AGAP2: variants seen among roughly 807,000 people sequenced by gnomAD.
AGAP2 encodes arf-GAP with GTPase, ANK repeat and PH domain-containing protein 2.
AGAP2 carries 32 observed loss-of-function variants against 110.9 expected under a neutral mutation model. The observed-to-expected ratio is 0.29, with a 90% CI of 0.22 to 0.39. The LOEUF is 0.39. AGAP2 is among the 10% of genes least tolerant of loss of function. The pLI, the probability that AGAP2 is intolerant of heterozygous loss-of-function variation, is 1.00. For synonymous variants in AGAP2, 702 were observed against 713.0 expected, an observed-to-expected ratio of 0.98 and a Z score of 0.25; for missense variants, 1,285 against 1,638.5, an observed-to-expected ratio of 0.78 and a Z score of 3.72.
upstream of AGAP2, among the ~76,000 whole-genome samples, chr12:57,739,185 G>A (rs1955046579): frequency 6.6e-6 from 1 of 151,884 alleles, no homozygotes; most frequent in South Asian, 2.1e-4. Flanking sequence ...GGCATTTAGG[G>A]ATAAGGGTGA....
rs1955035254 is a variant in AGAP2, at chr12:57,738,566, G to C, written c.-320C>G. On this transcript the variant is annotated 5_prime_UTR_variant, in exon 1 of 19. Coordinates refer to ENST00000547588, the MANE Select transcript of AGAP2 (RefSeq NM_001122772.3). The surrounding 1 kb of genome is among the most constrained non-coding windows in gnomAD (Gnocchi z 6.7). Reference sequence around the variant, plus strand: ...GCGCTGAGATGGGTGGGGGAGGGCGGGGAGGACAGTAGTGGGGGCAAATGG... The same window carrying C: ...GCGCTGAGATGGGTGGGGGAGGGCGCGGAGGACAGTAGTGGGGGCAAATGG... Among the ~76,000 whole-genome samples, 1 of 151,900 alleles carries C rather than the reference G, an allele frequency of 6.6e-6. No individual in the cohort carries two copies.
chr12:57,740,592 C>T (rs768359929), upstream of AGAP2, among the ~76,000 whole-genome samples: 25 of 152,182 alleles, frequency 1.6e-4, no homozygotes, highest in Non-Finnish European at 2.8e-4. Context: ...AGCTTTTCTG[C>T]CTGGCCTAAA....
rs12422249 is a variant in AGAP2, at chr12:57,734,184, G to A, written c.1402-11C>T. On this transcript the variant is annotated splice_polypyrimidine_tract_variant and intron_variant, in intron 4 of 18. Coordinates refer to ENST00000547588, the MANE Select transcript of AGAP2 (RefSeq NM_001122772.3). Reference sequence around the variant, plus strand: ...TGCCCAGCCTGAGAACTTGCGGGGAGTGAGGGAGCAAATGGAAAGTCAGAC... The same window carrying A: ...TGCCCAGCCTGAGAACTTGCGGGGAATGAGGGAGCAAATGGAAAGTCAGAC... 192,639 of 1,604,832 alleles carry A rather than the reference G, an allele frequency of 0.12. 13,009 individuals are homozygous for A. The highest frequency in any genetic ancestry group is 0.26 in the Admixed American group (15,593 of 59,410).
rs752265234 is a variant in AGAP2 at position 57,734,030 on chromosome 12, T to C, written c.1545A>G (p.Thr515=). Residue 515 remains threonine, a synonymous_variant, in exon 5 of 19, where the codon ACA becomes ACG. Coordinates refer to ENST00000547588, the MANE Select transcript of AGAP2 (RefSeq NM_001122772.3). ...RGGLALALVG[T]QDRISASSPR... The stretch of plus-strand genomic sequence containing the variant: ...GCTTTCCTAACCCCTCCTTACCTTG[T>C]GTCCCCACCAGTGCCAAGGCCAGGC... The C allele has an allele frequency of 1.3e-6, 2 of 1,584,414 alleles. No individual in the cohort carries two copies. Among genetic ancestry groups the C allele is most frequent in the Middle Eastern group, 1.7e-4 (1 of 5,822 alleles).
rs528656185 is a variant in AGAP2 at position 57,737,470 on chromosome 12, C to T, written c.777G>A (p.Gly259=). 1.2e-6 allele frequency: 2 copies of T among 1,610,602 alleles called. No individual in the cohort carries two copies. Among genetic ancestry groups the T allele is most frequent in the Non-Finnish European group, 1.7e-6 (2 of 1,178,570 alleles). The change falls in exon 1 of 19, where the codon GGG becomes GGA. Residue 259 remains glycine (G), a synonymous_variant. Transcript: ENST00000547588. The surrounding 1 kb of genome is among the most constrained non-coding windows in gnomAD (Gnocchi z 5.9). ...GGGACAACTTCCCTCGGGCTCCAGC[C>T]CCAGCCCCGACCCCACCAGAGGTCG... is the stretch of plus-strand genomic sequence containing the variant. The part of the protein sequence containing the change: ...TASTSGGVGA[G]AGARGKLSPR...
In AGAP2 at chr12:57,738,067, C is replaced by G. The variant is rs867148442; in HGVS notation, c.180G>C (p.Glu60Asp). The G allele has an allele frequency of 1.3e-6, 2 of 1,524,122 alleles. No individual in the cohort carries two copies. Among genetic ancestry groups the G allele is most frequent in the Non-Finnish European group, 1.8e-6 (2 of 1,141,370 alleles). The allele number at this position is 1,524,122 out of a possible 1,614,324, so 94.4% of individuals were successfully genotyped here. The change falls in exon 1 of 19, where the codon GAG becomes GAC. Residue 60 changes from glutamate to aspartate, a missense_variant. Physicochemically the swap from Glu to Asp is conservative, Grantham distance 45. Coordinates refer to ENST00000547588, the MANE Select transcript of AGAP2 (RefSeq NM_001122772.3). This position sits in a 1 kb window ranked among gnomAD's most constrained non-coding sequence, Gnocchi z 6.7. The part of the protein sequence containing the change: ...GDPGSPRGAE[E>D]PGKKRHERLF... The stretch of plus-strand genomic sequence containing the variant: ...GACGTTCGTGCCGCTTCTTGCCCGG[C>G]TCCTCCGCGCCTCGGGGGCTGCCAG...
At chr12:57,731,771 G>T (rs1402061569) in intron 8 of AGAP2, 38 bp downstream of exon 8, 1 of 1,559,196 alleles carries the variant, frequency 6.4e-7, no homozygotes, top group African/African-American at 1.4e-5. Context: ...GGTCATGGGG[G>T]ACAGGAGGAT....
At chr12:57,734,234 C>T in intron 4 of AGAP2, 61 bp from the exon 5 acceptor site, 1 of 1,610,886 alleles carries the variant, frequency 6.2e-7, no homozygotes, top group South Asian at 1.1e-5. Flanking sequence ...GGACCCAATC[C>T]AGATGAAGAC....
At position 57,737,997 on chromosome 12, in the gene AGAP2, C is replaced by G. The variant is rs1255553628; in HGVS notation, c.250G>C (p.Gly84Arg). ...GCTGGGGGCTCCGCGCCCCCGGTGC[C>G]CGCGCTGCTCGTGCTGATCCACAGC... is the stretch of plus-strand genomic sequence containing the variant. ...DALWISTSSA[G>R]TGGAEPPALS... The change falls in exon 1 of 19, where the codon GGC (glycine) becomes CGC (arginine). Residue 84 changes from glycine to arginine, a missense_variant. This residue lies in a region of AGAP2 where 844 missense variants were observed against 941.2 expected (regional missense o/e 0.90). Transcript: ENST00000547588. The surrounding 1 kb of genome is among the most constrained non-coding windows in gnomAD (Gnocchi z 5.9). 3 of 1,477,702 alleles carry G rather than the reference C, an allele frequency of 2.0e-6. No individual in the cohort carries two copies. The South Asian group carries it at 3.9e-5, about 19-fold the overall frequency. The allele number at this position is 1,477,702 out of a possible 1,614,324, so 91.5% of individuals were successfully genotyped here. A position where few individuals can be genotyped will look rare whatever the true frequency, so the allele number is the denominator to read the frequency against.
At chr12:57,732,293 A>G in intron 7 of AGAP2, 110 bp downstream of exon 7, 1 of 1,029,230 alleles carries the variant, frequency 9.7e-7, no homozygotes, top group Non-Finnish European at 1.4e-6. Context: ...TGCCATTTCC[A>G]TCTGTTTCCC....
In AGAP2 at chr12:57,726,540, C is replaced by G. The variant is rs756945714; in HGVS notation, c.*12G>C. 1.6e-6 allele frequency: 2 copies of G among 1,214,092 alleles called. No homozygotes were observed. The highest frequency in any genetic ancestry group is 2.1e-6 in the Non-Finnish European group (2 of 975,112). 75.2% of individuals were successfully genotyped at this position (1,214,092 alleles called of 1,614,324 possible). A position where few individuals can be genotyped will look rare whatever the true frequency, so the allele number is the denominator to read the frequency against. ...CCCGCGTGGGGATGGGGGTGTCTCT[C>G]CCGCTGGGCAACTATACCAGCGCAA... On this transcript the variant is annotated 3_prime_UTR_variant, in exon 19 of 19. Coordinates refer to ENST00000547588, the MANE Select transcript of AGAP2 (RefSeq NM_001122772.3). The surrounding 1 kb of genome is among the most constrained non-coding windows in gnomAD (Gnocchi z 5.7).
At position 57,726,365 on chromosome 12, in the gene AGAP2, T is replaced by C. The variant is rs1165320182; in HGVS notation, c.*187A>G. The C allele has an allele frequency of 7.4e-6, 3 of 403,274 alleles. No homozygotes were observed. Among genetic ancestry groups the C allele is most frequent in the African/African-American group, 4.3e-5 (2 of 46,512 alleles). The allele number at this position is 403,274 out of a possible 1,614,324, so 25.0% of individuals were successfully genotyped here. On this transcript the variant is annotated 3_prime_UTR_variant, in exon 19 of 19. Coordinates refer to ENST00000547588, the MANE Select transcript of AGAP2 (RefSeq NM_001122772.3). This position sits in a 1 kb window ranked among gnomAD's most constrained non-coding sequence, Gnocchi z 5.7. ...GTTGAGCTGGGGTCTCCATGCCTCG[T>C]TGGGGAGAGGGAGGTGAGTTTGTGT... is the stretch of plus-strand genomic sequence containing the variant.
At chr12:57,741,773 C>A, upstream of AGAP2, 2 of 1,005,652 alleles carry the variant, frequency 2.0e-6, no homozygotes, top group East Asian at 2.4e-5. Flanking sequence ...TTCCATCCTC[C>A]CTAAATGTAT....
At chr12:57,734,790 C>G in intron 2 of AGAP2, 111 bp from the exon 3 acceptor site, 3 of 934,596 alleles carry the variant, frequency 3.2e-6, no homozygotes, top group Non-Finnish European at 5.1e-6. Context: ...CAGGACCCTA[C>G]AGGGCCTGGA....
intron 15 of AGAP2, 62 bp downstream of exon 15, chr12:57,727,875 A>G: frequency 1.9e-6 from 3 of 1,607,342 alleles, no homozygotes; most frequent in Middle Eastern, 1.7e-4. Context: ...GTCGTTGCCA[A>G]TGGCCGTCAG....
chr12:57,732,698 C>A (rs1595088825), intron 6 of AGAP2, 147 bp downstream of exon 6: 10 of 1,452,406 alleles, frequency 6.9e-6, no homozygotes, highest in Non-Finnish European at 8.4e-6. Flanking sequence ...ATTAAGCAAA[C>A]CTTCTCTGGC....
Position 57,726,747 on chromosome 12 carries a change from C to A in AGAP2, c.3384G>T (p.Leu1128=). 1.5e-6 allele frequency: 2 copies of A among 1,316,874 alleles called. No homozygotes were observed. The highest frequency in any genetic ancestry group is 1.9e-6 in the Non-Finnish European group (2 of 1,035,962). 81.6% of individuals were successfully genotyped at this position (1,316,874 alleles called of 1,614,324 possible). The change falls in exon 19 of 19, where the codon CTG becomes CTT. Residue 1128 remains leucine (L), a synonymous_variant. Coordinates refer to ENST00000547588, the MANE Select transcript of AGAP2 (RefSeq NM_001122772.3). The surrounding 1 kb of genome is among the most constrained non-coding windows in gnomAD (Gnocchi z 5.7). ...GGCTTCCAGCCTGGCGGGCGTAGAA[C>A]AGCGCCGTGCGGCCCTGGGCGTCAC... ...AARDAQGRTA[L]FYARQAGSQL...
chr12:57,735,536 C>A, intron 1 of AGAP2, 109 bp from the exon 2 acceptor site: 3 of 1,021,252 alleles, frequency 2.9e-6, no homozygotes, highest in Admixed American at 2.0e-5. Context: ...CCCAACCCTG[C>A]CTGCACTGGA....
chr12:57,738,968 G>A (rs1336396900), upstream of AGAP2, among the ~76,000 whole-genome samples: 1 of 151,814 alleles, frequency 6.6e-6, no homozygotes, highest in African/African-American at 2.4e-5. The surrounding 1 kb of genome is among the most constrained non-coding windows in gnomAD (Gnocchi z 6.7). Flanking sequence ...TCACATTGAG[G>A]AGGAGGCGGC....
Sources: gnomAD v4.1 joint callset for allele counts (sites outside exome capture counted in the v4.1 genomes callset) on GRCh38, gnomAD v4.1.1 for gene constraint, gnomAD v4.1.1 regional missense constraint, Gnocchi (gnomAD v3.1) non-coding constraint, MANE v1.5 for transcripts, NCBI Gene and HGNC (gene_info 2026-07-23, HGNC 2026-07-21) for gene names.